Variants in ATRX observed in about 807,000 individuals in gnomAD.
The protein encoded by ATRX is chromatin remodeler ATRX.
In ATRX, 12 loss-of-function variants were observed where a neutral mutation model predicts 172.6. The observed-to-expected ratio is 0.07, with a 90% CI of 0.04 to 0.11. The LOEUF (loss-of-function observed/expected upper bound fraction) is 0.11. ATRX is among the 10% of genes least tolerant of loss of function. The pLI, the probability that ATRX is intolerant of heterozygous loss-of-function variation, is 1.00. For synonymous variants in ATRX, 674 were observed against 594.7 expected, an observed-to-expected ratio of 1.13 and a Z score of -1.94; for missense variants, 1,368 against 1,767.4, an observed-to-expected ratio of 0.77 and a Z score of 4.05.
chrX:77,784,438 G>C (rs1265968384), intron 1 of ATRX, among the ~76,000 whole-genome samples: 2 of 112,269 alleles, frequency 1.8e-5, no homozygotes, highest in Non-Finnish European at 3.8e-5. Flanking sequence ...AAGAAACTGA[G>C]AAGATCCGAC....
intron 30 of ATRX, among the ~76,000 whole-genome samples, chrX:77,532,806 A>T (rs1557046876): frequency 8.9e-6 from 1 of 112,284 alleles, no homozygotes; most frequent in Non-Finnish European, 1.9e-5. Context: ...ATCTAATTAA[A>T]CTAAAAAGCT....
At chrX:77,589,988 A>T in intron 26 of ATRX, 48 bp from the exon 27 acceptor site, 2 of 997,634 alleles carry the variant, frequency 2.0e-6, no homozygotes, top group East Asian at 3.1e-5. Flanking sequence ...CCTAGTAAAG[A>T]TATCACTTCT....
At chrX:77,745,087 C>G (rs543388541) in intron 1 of ATRX, among the ~76,000 whole-genome samples, 50 of 105,391 alleles carry the variant, frequency 4.7e-4, no homozygotes, top group South Asian at 2.2e-3. Flanking sequence ...TGGGTGGATC[C>G]CCTAAGCCTG....
rs781910754 is a variant in ATRX, at chrX:77,699,170, A to G, written c.134-541T>C. On this transcript the variant is annotated intron_variant, in intron 2 of 34. Coordinates refer to ENST00000373344, the MANE Select transcript of ATRX (RefSeq NM_000489.6). Reference sequence around the variant, plus strand: ...TTTTTTAGAGATAGGGTCTCACTCCATTGTCCATACTGGAGTGCAGAGGTG... The same window carrying G: ...TTTTTTAGAGATAGGGTCTCACTCCGTTGTCCATACTGGAGTGCAGAGGTG... Among the ~76,000 whole-genome samples, 3 of 110,140 alleles carry G rather than the reference A, an allele frequency of 2.7e-5. No homozygotes were observed. The Admixed American group carries it at 2.9e-4, about 11-fold the overall frequency.
intron 28 of ATRX, among the ~76,000 whole-genome samples, chrX:77,568,734 C>T (rs781936364): frequency 9.0e-6 from 1 of 111,438 alleles, no homozygotes; most frequent in East Asian, 2.8e-4. Context: ...GAACCAAGTA[C>T]TATATAAAAA....
intron 2 of ATRX, among the ~76,000 whole-genome samples, chrX:77,700,173 A>G (rs1187310740): frequency 9.0e-6 from 1 of 110,872 alleles, no homozygotes; most frequent in African/African-American, 3.3e-5. Flanking sequence ...TAAAGCAAGG[A>G]AAAAAAAAGA....
rs1557140061 is a variant in ATRX, at chrX:77,683,023, T to G, written c.2233A>C (p.Ser745Arg). ...LAILKEVSRM[S>R]HSSSSDTDIN... Reference sequence around the variant, plus strand: ...TCAGTATCTGAAGAAGAACTGTGACTCATCCTGCTCACCTCTTTGAGGATT... The same window carrying G: ...TCAGTATCTGAAGAAGAACTGTGACGCATCCTGCTCACCTCTTTGAGGATT... The change falls in exon 9 of 35, where the codon AGT (serine) becomes CGT (arginine). Residue 745 changes from serine to arginine, a missense_variant. By Grantham distance (110) the Ser-to-Arg change is moderately radical. This residue lies in a region of ATRX where 843 missense variants were observed against 643.1 expected (regional missense o/e 1.31). Coordinates refer to ENST00000373344, the MANE Select transcript of ATRX (RefSeq NM_000489.6). 2.5e-6 allele frequency: 3 copies of G among 1,210,685 alleles called. No homozygotes were observed. Among genetic ancestry groups the G allele is most frequent in the Non-Finnish European group, 2.2e-6 (2 of 894,688 alleles).
At chrX:77,552,075 A>G (rs1197509406) in intron 30 of ATRX, among the ~76,000 whole-genome samples, 1 of 111,396 alleles carries the variant, frequency 9.0e-6, no homozygotes, top group Admixed American at 9.5e-5. Flanking sequence ...TTCCTCAAGG[A>G]TCCAGAACTA....
At chrX:77,584,928 C>T (rs1002208539) in intron 27 of ATRX, among the ~76,000 whole-genome samples, 7 of 110,643 alleles carry the variant, frequency 6.3e-5, no homozygotes, top group Non-Finnish European at 1.3e-4. Context: ...GATTAATAAC[C>T]GGAATATATA....
chrX:77,731,435 A>T (rs1339372013), intron 1 of ATRX, among the ~76,000 whole-genome samples: 1 of 112,040 alleles, frequency 8.9e-6, no homozygotes, highest in African/African-American at 3.2e-5. Context: ...TAGAGGCAGG[A>T]GGCAGAGAAA....
At chrX:77,512,286 C>G (rs1272160786) in intron 34 of ATRX, among the ~76,000 whole-genome samples, 1 of 112,100 alleles carries the variant, frequency 8.9e-6, no homozygotes, top group Non-Finnish European at 1.9e-5. Context: ...AAGACTTTCC[C>G]ACACAAACAG....
At chrX:77,638,636 T>G (rs946930334) in intron 15 of ATRX, among the ~76,000 whole-genome samples, 2 of 112,821 alleles carry the variant, frequency 1.8e-5, no homozygotes, top group East Asian at 2.8e-4. Flanking sequence ...AAAGGACACT[T>G]CCTCTTTGTA....
At chrX:77,645,924 T>C (rs1244488928) in intron 15 of ATRX, among the ~76,000 whole-genome samples, 6 of 111,778 alleles carry the variant, frequency 5.4e-5, no homozygotes, top group African/African-American at 2.0e-4. Flanking sequence ...GGATGTTATA[T>C]GTAATCTCCA....
intron 1 of ATRX, among the ~76,000 whole-genome samples, chrX:77,726,461 C>A (rs1312997265): frequency 1.3e-5 from 1 of 75,569 alleles, no homozygotes; most frequent in Admixed American, 2.0e-4. Context: ...CATCACACAC[C>A]GGGGCCTGTC....
intron 30 of ATRX, among the ~76,000 whole-genome samples, chrX:77,538,228 CAA>C (rs1271425735): frequency 4.3e-5 from 4 of 92,163 alleles, no homozygotes; most frequent in Non-Finnish European, 6.5e-5. Flanking sequence ...TATACACACA[CAA>C]ACACACACAC....
At position 77,506,950 on chromosome X, in the gene ATRX, G is replaced by A; in HGVS notation, c.*1401C>T. 9.9e-6 allele frequency: 1 copy of A among 101,302 alleles called. No homozygotes were observed. Among genetic ancestry groups the A allele is most frequent in the Non-Finnish European group, 1.7e-5 (1 of 58,774 alleles). 8.3% of individuals were successfully genotyped at this position (101,302 alleles called of 1,213,427 possible). ...GAATTCTTAAGCTGTTTCACTACCT[G>A]TTGTATCATCATCTCAAAAATGGTT... On this transcript the variant is annotated 3_prime_UTR_variant, in exon 35 of 35. Transcript: ENST00000373344.
intron 27 of ATRX, among the ~76,000 whole-genome samples, chrX:77,589,513 A>C (rs1167507750): frequency 8.9e-6 from 1 of 111,842 alleles, no homozygotes; most frequent in South Asian, 3.7e-4. Context: ...ATTTTTCTTA[A>C]GTTGATATTA....
chrX:77,715,216 T>G (rs2073312264), intron 2 of ATRX, among the ~76,000 whole-genome samples: 2 of 112,047 alleles, frequency 1.8e-5, no homozygotes, highest in Admixed American at 1.9e-4. Flanking sequence ...TGACCACATA[T>G]ACATCGGTGG....
chrX:77,632,903 T>C (rs1464056902), intron 19 of ATRX, among the ~76,000 whole-genome samples: 2 of 112,118 alleles, frequency 1.8e-5, no homozygotes, highest in African/African-American at 6.5e-5. Flanking sequence ...TATCACCTAA[T>C]ATTTGGATAG....
Sources: allele counts gnomAD v4.1 joint callset (sites outside exome capture counted in the v4.1 genomes callset), GRCh38; gene constraint gnomAD v4.1.1; regional missense constraint gnomAD v4.1.1; transcripts MANE v1.5; gene names NCBI Gene and HGNC (gene_info 2026-07-23, HGNC 2026-07-21).